The following PCED1B variants were observed in gnomAD, a reference collection of about 807,000 sequenced individuals.
The protein encoded by PCED1B is PC-esterase domain containing 1B.
For missense variants in PCED1B, 573 were observed against 573.9 expected (o/e 1.00, Z 0.02); for synonymous variants, 251 against 246.1 (o/e 1.02, Z -0.19).
At chr12:47,119,955 G>T (rs1472226669) in intron 2 of PCED1B, among the ~76,000 whole-genome samples, 2 of 143,672 alleles carry the variant, frequency 1.4e-5, no homozygotes, top group Admixed American at 1.4e-4. Context: ...GACAGAGTGA[G>T]ACTCTGTCTC....
At chr12:47,157,122 G>T (rs1053996947) in intron 2 of PCED1B, among the ~76,000 whole-genome samples, 1 of 152,030 alleles carries the variant, frequency 6.6e-6, no homozygotes, top group Admixed American at 6.6e-5. Context: ...TTTCCTCATT[G>T]TCTAACACAG....
chr12:47,156,750 T>C (rs1941206148), intron 2 of PCED1B, among the ~76,000 whole-genome samples: 2 of 152,048 alleles, frequency 1.3e-5, no homozygotes, highest in South Asian at 4.1e-4. Flanking sequence ...ACCTCTATCT[T>C]AGCACATGTT....
chr12:47,182,815 G>A (rs182402564), intron 2 of PCED1B, among the ~76,000 whole-genome samples: 1 of 152,124 alleles, frequency 6.6e-6, no homozygotes, highest in East Asian at 1.9e-4. Flanking sequence ...GCTCTCACTC[G>A]CCACACCATA....
At chr12:47,119,882 G>A (rs1939599889) in intron 2 of PCED1B, among the ~76,000 whole-genome samples, 1 of 151,760 alleles carries the variant, frequency 6.6e-6, no homozygotes, top group African/African-American at 2.4e-5. Context: ...CATGAGAATT[G>A]TTTGAACCCA....
At chr12:47,182,313 G>A (rs1334228906) in intron 2 of PCED1B, among the ~76,000 whole-genome samples, 1 of 152,162 alleles carries the variant, frequency 6.6e-6, no homozygotes, top group African/African-American at 2.4e-5. Context: ...GAATACTACT[G>A]CCCTGGCACG....
rs79861132 is a variant in PCED1B, at chr12:47,156,104, A to G, written c.-526+51909A>G. Among the ~76,000 whole-genome samples, 188 of 152,366 alleles carry G rather than the reference A, an allele frequency of 1.2e-3. 1 individual carries two copies. Among genetic ancestry groups the G allele is most frequent in the Non-Finnish European group, 1.1e-3 (78 of 68,038 alleles). On this transcript the variant is annotated intron_variant, in intron 2 of 3. Transcript: ENST00000546455. ...TGAAATGTTAGGGCTTCAAGTTCTT[A>G]AAGCACATGCATAATTTCTAGTACT...
At chr12:47,230,932 T>A (rs1010286265) in intron 3 of PCED1B, among the ~76,000 whole-genome samples, 5 of 152,326 alleles carry the variant, frequency 3.3e-5, no homozygotes, top group African/African-American at 1.2e-4. Flanking sequence ...TTACGTTTAA[T>A]CCTCACATCA....
At chr12:47,222,931 T>A (rs547664793) in intron 3 of PCED1B, among the ~76,000 whole-genome samples, 1 of 152,154 alleles carries the variant, frequency 6.6e-6, no homozygotes, top group Non-Finnish European at 1.5e-5. Context: ...GTGCTACTAA[T>A]CATTCTGGGG....
At chr12:47,230,653 G>A (rs550141391) in intron 3 of PCED1B, among the ~76,000 whole-genome samples, 68 of 151,946 alleles carry the variant, frequency 4.5e-4, no homozygotes, top group African/African-American at 8.9e-4. Flanking sequence ...TTTTGGCCAG[G>A]CTGGTCTTGA....
intron 2 of PCED1B, among the ~76,000 whole-genome samples, chr12:47,140,228 G>T (rs147646296): frequency 8.9e-4 from 136 of 152,244 alleles, no homozygotes; most frequent in African/African-American, 3.2e-3. Context: ...TTTTGCTTTT[G>T]CTACATCATC....
At chr12:47,198,404 C>T (rs1389504321) in intron 2 of PCED1B, among the ~76,000 whole-genome samples, 2 of 152,056 alleles carry the variant, frequency 1.3e-5, no homozygotes, top group Non-Finnish European at 2.9e-5. Context: ...AACTGGATCT[C>T]AACTTCATAA....
At chr12:47,143,829 T>G (rs2408715) in intron 2 of PCED1B, among the ~76,000 whole-genome samples, 82,627 of 151,950 alleles carry the variant, frequency 0.54, 24,064 homozygotes, top group Non-Finnish European at 0.63. Context: ...GCTATAGTAA[T>G]CAAAATAGTA....
intron 2 of PCED1B, among the ~76,000 whole-genome samples, chr12:47,120,361 C>T (rs1490776283): frequency 6.6e-6 from 1 of 151,932 alleles, no homozygotes; most frequent in South Asian, 2.1e-4. Flanking sequence ...AGCATTTGCC[C>T]ACACAAAATT....
At chr12:47,118,865 C>A (rs1327243576) in intron 2 of PCED1B, among the ~76,000 whole-genome samples, 1 of 152,086 alleles carries the variant, frequency 6.6e-6, no homozygotes, top group Non-Finnish European at 1.5e-5. Flanking sequence ...CTTTTATTTC[C>A]TTGAGCAGTG....
intron 2 of PCED1B, among the ~76,000 whole-genome samples, chr12:47,131,482 C>T (rs1250062485): frequency 6.6e-6 from 1 of 152,108 alleles, no homozygotes; most frequent in Non-Finnish European, 1.5e-5. Flanking sequence ...CAGGTGTGTA[C>T]ACCATTGTCC....
chr12:47,124,264 A>G (rs76953085), intron 2 of PCED1B, among the ~76,000 whole-genome samples: 4,529 of 152,114 alleles, frequency 0.03, 177 homozygotes, highest in African/African-American at 0.087. Flanking sequence ...TACATAATGG[A>G]ATCATATAAT....
chr12:47,154,150 C>T (rs926177084), intron 2 of PCED1B, among the ~76,000 whole-genome samples: 5 of 152,236 alleles, frequency 3.3e-5, no homozygotes, highest in African/African-American at 1.2e-4. Context: ...CTTCTACCAG[C>T]ATCCATGAAA....
chr12:47,110,345 G>C (rs116833461), intron 2 of PCED1B, among the ~76,000 whole-genome samples: 26 of 151,666 alleles, frequency 1.7e-4, no homozygotes, highest in African/African-American at 6.3e-4. Context: ...AGAGGAAAGC[G>C]CAATAGGGTT....
intron 2 of PCED1B, among the ~76,000 whole-genome samples, chr12:47,163,694 T>G (rs1262451017): frequency 6.6e-6 from 1 of 152,194 alleles, no homozygotes; most frequent in South Asian, 2.1e-4. Flanking sequence ...TTCCCCCTTG[T>G]CTTAGTCCAT....
Sources: gnomAD v4.1 joint callset for allele counts (sites outside exome capture counted in the v4.1 genomes callset) on GRCh38, gnomAD v4.1.1 for gene constraint, MANE v1.5 for transcripts, NCBI Gene and HGNC (gene_info 2026-07-23, HGNC 2026-07-21) for gene names.